Variants in MAX observed in about 807,000 individuals in gnomAD.
MAX encodes protein max.
MAX carries 3 observed loss-of-function variants against 22.3 expected under a neutral mutation model. That is an observed-to-expected ratio of 0.13 (90% confidence interval 0.06 to 0.35). The LOEUF is 0.35. Ranked by LOEUF, MAX falls within the 10% of genes least tolerant of loss-of-function variation. The pLI, the probability that MAX is intolerant of heterozygous loss-of-function variation, is 1.00. For missense variants in MAX, 119 were observed against 209.4 expected (o/e 0.57, Z 2.66); for synonymous variants, 72 against 77.7 (o/e 0.93, Z 0.39).
rs969451816 is a variant in MAX, at chr14:65,084,687, G to T, written c.172-6651C>A. 1.4e-4 allele frequency among the ~76,000 whole-genome samples: 22 copies of T among 152,096 alleles called. No individual in the cohort carries two copies. The highest frequency in any genetic ancestry group is 5.1e-4 in the African/African-American group (21 of 41,424). ...TGAATGCAACCCCAATTGCCCAAAA[G>T]AAACATGCCTAATGACTAAACATGA... On this transcript the variant is annotated intron_variant, in intron 3 of 4. Coordinates refer to ENST00000358664, the MANE Select transcript of MAX (RefSeq NM_002382.5). The surrounding 1 kb of genome is among the most constrained non-coding windows in gnomAD (Gnocchi z 4.3).
Position 65,061,499 on chromosome 14 carries a change from A to G in MAX, c.171+32209T>C, listed in dbSNP as rs2062864916. Reference sequence around the variant, plus strand: ...TTGGAGAACACAGTGGCTGGTTTTAAAAATTCTTTCCACACCTGTCAAACC... The same window carrying G: ...TTGGAGAACACAGTGGCTGGTTTTAGAAATTCTTTCCACACCTGTCAAACC... On this transcript the variant is annotated intron_variant, in intron 3 of 3. Transcript: ENST00000341653. 4 of 1,114,228 alleles carry G rather than the reference A, an allele frequency of 3.6e-6. No individual in the cohort carries two copies. The African/African-American group carries it at 4.7e-5, about 13-fold the overall frequency. 69.0% of individuals were successfully genotyped at this position (1,114,228 alleles called of 1,614,324 possible).
At chr14:65,010,494 CACTAGTTCGGGCCCTAAGT>C (rs2061666359) in intron 3 of MAX, among the ~76,000 whole-genome samples, 1 of 152,238 alleles carries the variant, frequency 6.6e-6, no homozygotes, top group Non-Finnish European at 1.5e-5. Flanking sequence ...ACGGGTCACA[CACTAGTTCGGGCCCTAAGT>C]AGCCCCAACT....
At chr14:65,060,665 C>T (rs1249603495) in intron 3 of MAX, among the ~76,000 whole-genome samples, 8 of 92,570 alleles carry the variant, frequency 8.6e-5, no homozygotes, top group East Asian at 3.4e-4. Context: ...CACTGCACTC[C>T]AGCCTGGGCG....
At chr14:65,045,425 G>A (rs1043890731) in intron 3 of MAX, among the ~76,000 whole-genome samples, 3 of 15,952 alleles carry the variant, frequency 1.9e-4, no homozygotes, top group South Asian at 2.7e-3. Flanking sequence ...CCCCCTCCCC[G>A]CCGCCCCCGA....
At chr14:65,017,932 G>T (rs1298646556) in intron 3 of MAX, among the ~76,000 whole-genome samples, 1 of 152,008 alleles carries the variant, frequency 6.6e-6, no homozygotes, top group Non-Finnish European at 1.5e-5. Flanking sequence ...TCCAGTCCGG[G>T]CAACAGAGTG....
At chr14:65,045,907 C>T (rs773866369) in intron 3 of MAX, among the ~76,000 whole-genome samples, 22 of 152,200 alleles carry the variant, frequency 1.4e-4, no homozygotes, top group Admixed American at 3.3e-4. Flanking sequence ...AGCAAGTGCA[C>T]TGACTTTGGA....
chr14:65,015,670 A>G (rs774066162), intron 3 of MAX: 29 of 1,614,030 alleles, frequency 1.8e-5, no homozygotes, highest in Non-Finnish European at 2.5e-5. Context: ...GATCCTGCAC[A>G]GCTTGGAACT....
In MAX at chr14:65,027,248, A is replaced by T; in HGVS notation, c.172-20964T>A. The T allele has an allele frequency of 1.3e-6, 1 of 792,546 alleles. No homozygotes were observed. Among genetic ancestry groups the T allele is most frequent in the Non-Finnish European group, 1.9e-6 (1 of 518,806 alleles). 49.1% of individuals were successfully genotyped at this position (792,546 alleles called of 1,614,324 possible). On this transcript the variant is annotated intron_variant, in intron 3 of 3. Transcript: ENST00000341653. This position sits in a 1 kb window ranked among gnomAD's most constrained non-coding sequence, Gnocchi z 5.7. ...CAACAAGCGCTTAAGTACGAAACTC[A>T]GAGGAGGGCAGACAGAAATGATGAT...
At chr14:65,057,299 C>T (rs188574529) in intron 3 of MAX, among the ~76,000 whole-genome samples, 7 of 152,164 alleles carry the variant, frequency 4.6e-5, no homozygotes, top group South Asian at 2.1e-4. Context: ...TATGGTGGTT[C>T]GCACCTGTAA....
At position 65,099,758 on chromosome 14, in the gene MAX, A is replaced by G. The variant is rs1335836125; in HGVS notation, c.63+1788T>C. On this transcript the variant is annotated intron_variant, in intron 2 of 4. Transcript: ENST00000358664. Reference sequence around the variant, plus strand: ...AACATGAAGGATAAAAGTAAATGTGAAAAAGGAATTCAATTTTCAAATATA... The same window carrying G: ...AACATGAAGGATAAAAGTAAATGTGGAAAAGGAATTCAATTTTCAAATATA... Among the ~76,000 whole-genome samples the G allele has an allele frequency of 2.0e-5, 3 of 152,240 alleles. No individual in the cohort carries two copies. In the East Asian group the frequency reaches 5.8e-4, roughly 29 times the overall value.
intron 3 of MAX, among the ~76,000 whole-genome samples, chr14:65,045,284 T>C (rs569005070): frequency 6.6e-6 from 1 of 152,188 alleles, no homozygotes; most frequent in South Asian, 2.1e-4. Flanking sequence ...ATGAGATCCC[T>C]GGGTCCAAAG....
At chr14:65,063,411 AG>A (rs946542386) in intron 3 of MAX, among the ~76,000 whole-genome samples, 2 of 152,216 alleles carry the variant, frequency 1.3e-5, no homozygotes, top group African/African-American at 4.8e-5. Context: ...TTTACCAAGA[AG>A]GAGGGATCTG....
chr14:65,020,408 C>G (rs558829460), intron 3 of MAX, among the ~76,000 whole-genome samples: 2 of 152,272 alleles, frequency 1.3e-5, no homozygotes, highest in East Asian at 3.9e-4. Flanking sequence ...CCACCATGCC[C>G]AGTCCATAGG....
At chr14:65,049,314 A>G (rs770493130) in intron 3 of MAX, among the ~76,000 whole-genome samples, 6 of 152,178 alleles carry the variant, frequency 3.9e-5, no homozygotes, top group Non-Finnish European at 8.8e-5. Context: ...TGTGAAATTG[A>G]GCTACAGATG....
upstream of MAX, chr14:65,102,582 C>T (rs1400352378): frequency 2.8e-6 from 4 of 1,424,362 alleles, no homozygotes; most frequent in African/African-American, 1.4e-5. Flanking sequence ...AGGCTCGCAG[C>T]GCTGGGGCAG....
chr14:65,045,418 C>T (rs563451844), intron 3 of MAX, among the ~76,000 whole-genome samples: 1 of 143,802 alleles, frequency 7.0e-6, no homozygotes, highest in African/African-American at 2.6e-5. Flanking sequence ...CGTCTTCCCC[C>T]CTCCCCGCCG....
intron 3 of MAX, among the ~76,000 whole-genome samples, chr14:65,058,702 C>T (rs1042114944): frequency 6.6e-6 from 1 of 152,148 alleles, no homozygotes; most frequent in South Asian, 2.1e-4. Flanking sequence ...TTATTGAATG[C>T]TTTCTCCGCA....
rs1012820475 is a variant in MAX at position 65,054,478 on chromosome 14, C to T, written c.171+39230G>A. 1.7e-5 allele frequency: 20 copies of T among 1,207,126 alleles called. No homozygotes were observed. In the African/African-American group the frequency reaches 1.7e-4, roughly 10 times the overall value. 74.8% of individuals were successfully genotyped at this position (1,207,126 alleles called of 1,614,324 possible). On this transcript the variant is annotated intron_variant, in intron 3 of 3. Transcript: ENST00000341653. The surrounding 1 kb of genome is among the most constrained non-coding windows in gnomAD (Gnocchi z 4.4). Reference sequence around the variant, plus strand: ...TAGCCACATGGAGGATGGGGGGGGACGTGTGATTGCACCAGTGGTCTCTGA... The same window carrying T: ...TAGCCACATGGAGGATGGGGGGGGATGTGTGATTGCACCAGTGGTCTCTGA...
intron 2 of MAX, among the ~76,000 whole-genome samples, chr14:65,095,244 T>C (rs189864255): frequency 2.6e-5 from 4 of 152,364 alleles, no homozygotes; most frequent in African/African-American, 9.6e-5. Context: ...GTGGTTCCCA[T>C]GACAACCATG....
Sources: allele counts gnomAD v4.1 joint callset (sites outside exome capture counted in the v4.1 genomes callset), GRCh38; gene constraint gnomAD v4.1.1; non-coding constraint Gnocchi (gnomAD v3.1); transcripts MANE v1.5; gene names NCBI Gene and HGNC (gene_info 2026-07-23, HGNC 2026-07-21).